Variants in CLEC12B observed in about 807,000 individuals in gnomAD.
The protein encoded by CLEC12B is macrophage antigen h.
Under a neutral mutation model 36.1 loss-of-function variants are expected in CLEC12B, and 25 were observed. The ratio of observed to expected loss-of-function variants is 0.69; its 90% CI spans 0.50 to 0.97. CLEC12B has a LOEUF of 0.97. Ranked by LOEUF, CLEC12B falls within the 50% of genes least tolerant of loss-of-function variation. The probability of loss-of-function intolerance (pLI) is 0.00; values close to 1 mark genes in which losing one functional copy is unlikely to be tolerated. For synonymous variants in CLEC12B, 110 were observed against 108.5 expected, an observed-to-expected ratio of 1.01 and a Z score of -0.09; for missense variants, 325 against 318.4, an observed-to-expected ratio of 1.02 and a Z score of -0.16.
rs1483598219 is a variant in CLEC12B, at chr12:10,017,857, C to A, written c.681-474C>A. ...TATAGTCAATCATTTCCTCTTTTAA[C>A]GTCTGTCTTGTTCTCTTTTTACCCA... is the stretch of plus-strand genomic sequence containing the variant. On this transcript the variant is annotated intron_variant, in intron 5 of 5. Coordinates refer to ENST00000338896, the MANE Select transcript of CLEC12B (RefSeq NM_001129998.3). 3 of 971,676 alleles carry A rather than the reference C, an allele frequency of 3.1e-6. No homozygotes were observed. In the Middle Eastern group the frequency reaches 1.6e-3, roughly 517 times the overall value. The allele number at this position is 971,676 out of a possible 1,614,324, so 60.2% of individuals were successfully genotyped here.
upstream of CLEC12B, among the ~76,000 whole-genome samples, chr12:10,008,016 G>A (rs765485536): frequency 3.9e-5 from 6 of 152,212 alleles, no homozygotes; most frequent in Non-Finnish European, 5.9e-5. Flanking sequence ...TGGAAACATA[G>A]GAGGTGGAGG....
intron 1 of CLEC12B, among the ~76,000 whole-genome samples, chr12:10,012,476 G>A (rs550296227): frequency 5.3e-5 from 8 of 152,226 alleles, no homozygotes; most frequent in African/African-American, 1.9e-4. Context: ...ATGTATACAT[G>A]TGCCATGCTG....
At chr12:10,009,951 T>G (rs141942343), upstream of CLEC12B, among the ~76,000 whole-genome samples, 2 of 152,194 alleles carry the variant, frequency 1.3e-5, no homozygotes, top group Admixed American at 1.3e-4. Context: ...TGTAACAAAT[T>G]ACCACAGATG....
At chr12:10,011,229 G>T (rs988932986) in intron 1 of CLEC12B, among the ~76,000 whole-genome samples, 2 of 152,138 alleles carry the variant, frequency 1.3e-5, no homozygotes, top group Non-Finnish European at 2.9e-5. Flanking sequence ...GAAGGTAGAG[G>T]ACGTTTTTCT....
intron 5 of CLEC12B, chr12:10,017,800 G>T (rs567503179): frequency 4.4e-6 from 4 of 904,326 alleles, no homozygotes; most frequent in Non-Finnish European, 5.3e-6. Flanking sequence ...TCTTAGCAGA[G>T]GAAATGAATA....
At chr12:10,008,687 C>T (rs542116100), upstream of CLEC12B, among the ~76,000 whole-genome samples, 52 of 152,168 alleles carry the variant, frequency 3.4e-4, no homozygotes, top group Non-Finnish European at 5.1e-4. Flanking sequence ...CTTTTTGGAT[C>T]ATAATAATAG....
upstream of CLEC12B, among the ~76,000 whole-genome samples, chr12:10,008,291 T>G (rs1040002739): frequency 6.6e-6 from 1 of 152,240 alleles, no homozygotes; most frequent in African/African-American, 2.4e-5. Flanking sequence ...GCCTAGTGAT[T>G]ACTACGGTGA....
chr12:10,007,958 G>C (rs192859409), upstream of CLEC12B, among the ~76,000 whole-genome samples: 8 of 152,344 alleles, frequency 5.3e-5, no homozygotes, highest in Admixed American at 3.9e-4. Context: ...TGCTATCTCA[G>C]TGGGCACTGA....
chr12:10,009,009 CG>C (rs1415083190), upstream of CLEC12B, among the ~76,000 whole-genome samples: 8 of 152,108 alleles, frequency 5.3e-5, no homozygotes, highest in Non-Finnish European at 1.0e-4. Flanking sequence ...CACCGATCAG[CG>C]CTCTGTAAAA....
intron 5 of CLEC12B, chr12:10,017,153 C>G (rs1362400002): frequency 3.0e-6 from 3 of 985,176 alleles, no homozygotes; most frequent in African/African-American, 1.7e-5. Context: ...GCTATTTCTA[C>G]TCAAACACTA....
upstream of CLEC12B, among the ~76,000 whole-genome samples, chr12:10,006,474 T>TTTA (rs1333033388): frequency 2.6e-5 from 4 of 151,708 alleles, no homozygotes; most frequent in African/African-American, 7.3e-5. Flanking sequence ...GTTTTTTTTT[T>TTTA]AAGAAGACCA....
chr12:10,007,632 A>C (rs7957224), upstream of CLEC12B, among the ~76,000 whole-genome samples: 53,185 of 152,050 alleles, frequency 0.35, 9,640 homozygotes, highest in Middle Eastern at 0.38. Context: ...GATTGGGAAT[A>C]ATCTTTTAGG....
At chr12:10,014,289 T>A (rs561744172) in intron 2 of CLEC12B, among the ~76,000 whole-genome samples, 112 of 152,212 alleles carry the variant, frequency 7.4e-4, no homozygotes, top group African/African-American at 2.6e-3. Context: ...CAGAAATATA[T>A]CATTATTAAA....
At chr12:10,007,600 G>T (rs1865246260), upstream of CLEC12B, among the ~76,000 whole-genome samples, 1 of 152,198 alleles carries the variant, frequency 6.6e-6, no homozygotes, top group Non-Finnish European at 1.5e-5. Context: ...AAAGAAATTT[G>T]AGAGTCTGAG....
chr12:10,014,539 T>C lies in CLEC12B; in HGVS notation c.207T>C (p.Asn69=), dbSNP rs150780667. Residue 69 remains asparagine, a synonymous_variant, in exon 3 of 6, where the codon AAT becomes AAC. Coordinates refer to ENST00000338896, the MANE Select transcript of CLEC12B (RefSeq NM_001129998.3). ...GTCTTGGAGTTTTGCAGATATCTAATGACATTAACTCAGATTCAGAGAAAT... is the reference window on the plus strand; with the variant it reads ...GTCTTGGAGTTTTGCAGATATCTAACGACATTAACTCAGATTCAGAGAAAT... ...TLGMMFLQIS[N]DINSDSEKLS... 922 of 1,613,184 alleles carry C rather than the reference T, an allele frequency of 5.7e-4. 3 individuals are homozygous for C. The Middle Eastern group carries it at 5.8e-3, about 10-fold the overall frequency.
upstream of CLEC12B, among the ~76,000 whole-genome samples, chr12:10,010,208 A>T (rs909607306): frequency 1.2e-3 from 180 of 148,866 alleles, no homozygotes; most frequent in Middle Eastern, 3.4e-3. Context: ...TCTCACACAC[A>T]CACACACACA....
chr12:10,014,917 A>G (rs1865440977), intron 3 of CLEC12B, among the ~76,000 whole-genome samples, 176 bp downstream of exon 3: 3 of 152,330 alleles, frequency 2.0e-5, no homozygotes, highest in Middle Eastern at 6.8e-3. Flanking sequence ...TATTTTTGAA[A>G]CCACAGGCAA....
intron 2 of CLEC12B, 37 bp downstream of exon 2, chr12:10,012,920 A>C: frequency 7.0e-7 from 1 of 1,426,214 alleles, no homozygotes; most frequent in Non-Finnish European, 9.9e-7. Context: ...AAAGGCAACT[A>C]GAAAACATAT....
At position 10,018,253 on chromosome 12, in the gene CLEC12B, G is replaced by A. The variant is rs150416260; in HGVS notation, c.681-78G>A. On this transcript the variant is annotated intron_variant, in intron 5 of 5. Transcript: ENST00000338896. Reference sequence around the variant, plus strand: ...CATATTCAGATACATGACATTGGCTGTAAGAGCAACTGAGGGCACTAAATA... The same window carrying A: ...CATATTCAGATACATGACATTGGCTATAAGAGCAACTGAGGGCACTAAATA... 1.5e-5 allele frequency: 13 copies of A among 881,804 alleles called. No homozygotes were observed. In the African/African-American group the frequency reaches 2.1e-4, roughly 14 times the overall value. The allele number at this position is 881,804 out of a possible 1,614,324, so 54.6% of individuals were successfully genotyped here. A position where few individuals can be genotyped will look rare whatever the true frequency, so the allele number is the denominator to read the frequency against.
Sources: allele counts gnomAD v4.1 joint callset (sites outside exome capture counted in the v4.1 genomes callset), GRCh38; gene constraint gnomAD v4.1.1; transcripts MANE v1.5; gene names NCBI Gene and HGNC (gene_info 2026-07-23, HGNC 2026-07-21).